The following DSG3 variants were observed in gnomAD, a reference collection of about 807,000 sequenced individuals.
DSG3 encodes desmoglein-3.
In DSG3, 63 loss-of-function variants were observed where a neutral mutation model predicts 85.9. The ratio of observed to expected loss-of-function variants is 0.73; its 90% CI spans 0.60 to 0.90. DSG3 has a LOEUF of 0.90. Among genes scored for constraint, DSG3 ranks in the 40% least tolerant of loss-of-function variants. The pLI, the probability that DSG3 is intolerant of heterozygous loss-of-function variation, is 0.00. For synonymous variants in DSG3, 447 were observed against 441.9 expected (o/e 1.01, Z -0.14); for missense variants, 1,220 against 1,219.9 (o/e 1.00, Z 0.00).
rs2144251683 is a variant in DSG3 at position 31,476,354 on chromosome 18, A to G, written c.*94A>G. On this transcript the variant is annotated 3_prime_UTR_variant, in exon 16 of 16. Transcript: ENST00000257189. ...GCAAAGCTCACTGTATTGGGCTAAT[A>G]ATTTGGCACTTATTAGCTTCTCTCA... is the stretch of plus-strand genomic sequence containing the variant. 1 of 1,447,926 alleles carries G rather than the reference A, an allele frequency of 6.9e-7. No individual in the cohort carries two copies. Among genetic ancestry groups the G allele is most frequent in the East Asian group, 2.3e-5 (1 of 43,606 alleles). The allele number at this position is 1,447,926 out of a possible 1,614,324, so 89.7% of individuals were successfully genotyped here.
chr18:31,463,768 G>A (rs2072800000), intron 8 of DSG3, among the ~76,000 whole-genome samples: 1 of 152,104 alleles, frequency 6.6e-6, no homozygotes. Context: ...AACAAACATT[G>A]TTCCCTGAGT....
chr18:31,474,451 G>A (rs1466781068), intron 15 of DSG3, 47 bp downstream of exon 15: 3 of 1,542,384 alleles, frequency 1.9e-6, no homozygotes, highest in Non-Finnish European at 2.6e-6. Context: ...ATTTACATTA[G>A]AGAACTTTTT....
In DSG3 at chr18:31,464,386, A is replaced by G. The variant is rs1446043380; in HGVS notation, c.1271+4A>G. ...ACAAAGCTGCCTCAAATGTCAAGTA[A>G]GACTATTTTTATTTATATCCTATTT... On this transcript the variant is annotated splice_donor_region_variant and intron_variant, in intron 9 of 15. Transcript: ENST00000257189. 6.2e-7 allele frequency: 1 copy of G among 1,601,916 alleles called. No individual in the cohort carries two copies. The highest frequency in any genetic ancestry group is 1.7e-5 in the Admixed American group (1 of 58,186).
intron 12 of DSG3, among the ~76,000 whole-genome samples, chr18:31,471,048 T>A (rs551604160): frequency 6.6e-6 from 1 of 152,280 alleles, no homozygotes; most frequent in East Asian, 1.9e-4. Context: ...GGCAACAGTG[T>A]GTACAGTATA....
intron 6 of DSG3, 133 bp downstream of exon 6, chr18:31,460,144 G>C (rs2072774966): frequency 1.0e-6 from 1 of 986,344 alleles, no homozygotes; most frequent in Non-Finnish European, 1.4e-6. Flanking sequence ...GCTAATCTAG[G>C]GAAATTGTTT....
intron 8 of DSG3, 54 bp from the exon 9 acceptor site, chr18:31,464,057 G>A (rs1598781575): frequency 1.3e-6 from 2 of 1,541,864 alleles, no homozygotes; most frequent in Non-Finnish European, 1.8e-6. Context: ...CATCTACTGG[G>A]TTTGCGGGAG....
chr18:31,459,655 A>T (rs891170470), intron 5 of DSG3, among the ~76,000 whole-genome samples, 190 bp from the exon 6 acceptor site: 3 of 152,242 alleles, frequency 2.0e-5, no homozygotes, highest in Non-Finnish European at 1.5e-5. Context: ...TTTGTATGGA[A>T]GGAAGCACAG....
intron 5 of DSG3, among the ~76,000 whole-genome samples, 195 bp from the exon 6 acceptor site, chr18:31,459,650 A>T (rs929965817): frequency 1.3e-5 from 2 of 152,218 alleles, no homozygotes; most frequent in African/African-American, 4.8e-5. Context: ...AAGAGTTTGT[A>T]TGGAAGGAAG....
chr18:31,474,129 A>T lies in DSG3; in HGVS notation c.2110A>T (p.Thr704Ser). The T allele has an allele frequency of 6.2e-7, 1 of 1,611,944 alleles. No individual in the cohort carries two copies. Among genetic ancestry groups the T allele is most frequent in the African/African-American group, 1.3e-5 (1 of 75,008 alleles). ...ADFMESSEVC[T>S]NTYARGTAVE... ...TTCTCCCTTGTTTTTAGAAGTTTGT[A>T]CAAATACGTATGCCAGAGGCACAGC... Residue 704 changes from threonine (T) to serine (S), a missense_variant, in exon 15 of 16, where the codon ACA becomes TCA. Physicochemically the swap from Thr to Ser is moderately conservative, Grantham distance 58. Transcript: ENST00000257189.
chr18:31,475,514 G>A (rs2072880722), intron 15 of DSG3, 132 bp from the exon 16 acceptor site: 2 of 1,096,020 alleles, frequency 1.8e-6, no homozygotes, highest in Admixed American at 2.6e-5. Context: ...ATTGTTAATA[G>A]ACAGTGTCCT....
In DSG3 at chr18:31,475,742, G is replaced by A. The variant is rs144985839; in HGVS notation, c.2482G>A (p.Val828Met). 1,014 of 1,614,192 alleles carry A rather than the reference G, an allele frequency of 6.3e-4. 2 individuals carry two copies. The highest frequency in any genetic ancestry group is 1.6e-3 in the Admixed American group (94 of 60,012). Residue 828 changes from valine (V) to methionine (M), a missense_variant, in exon 16 of 16, where the codon GTG (valine) becomes ATG (methionine). Val to Met is a conservative substitution (Grantham distance 21). Coordinates refer to ENST00000257189, the MANE Select transcript of DSG3 (RefSeq NM_001944.3). ...AGGCGCAGATGCCACTGGTTCTCCT[G>A]TGGGCTCCGTGGGTTGTTGCAGTTT... The part of the protein sequence containing the change: ...NEGADATGSP[V>M]GSVGCCSFIA...
intron 11 of DSG3, among the ~76,000 whole-genome samples, chr18:31,467,878 T>G (rs2072831670): frequency 6.6e-6 from 1 of 152,206 alleles, no homozygotes; most frequent in African/African-American, 2.4e-5. Context: ...CTCACACTTC[T>G]GACATAAAGA....
intron 11 of DSG3, among the ~76,000 whole-genome samples, chr18:31,468,576 G>A (rs12604311): frequency 6.6e-6 from 1 of 151,838 alleles, no homozygotes; most frequent in Non-Finnish European, 1.5e-5. Context: ...CCTCATCACT[G>A]CTCAAACATC....
chr18:31,475,762 C>T lies in DSG3; in HGVS notation c.2502C>T (p.Cys834=). The T allele has an allele frequency of 1.2e-6, 2 of 1,614,144 alleles. No homozygotes were observed. The highest frequency in any genetic ancestry group is 2.2e-5 in the South Asian group (2 of 91,080). The part of the protein sequence containing the change: ...TGSPVGSVGC[C]SFIADDLDDS... ...CTCCTGTGGGCTCCGTGGGTTGTTGCAGTTTTATTGCTGATGACCTGGATG... is the reference window on the plus strand; with the variant it reads ...CTCCTGTGGGCTCCGTGGGTTGTTGTAGTTTTATTGCTGATGACCTGGATG... The change falls in exon 16 of 16, where the codon TGC becomes TGT. Residue 834 remains cysteine (C), a synonymous_variant. Transcript: ENST00000257189.
chr18:31,462,043 TGTTGTG>T (rs796826699), intron 8 of DSG3, among the ~76,000 whole-genome samples: 1 of 151,914 alleles, frequency 6.6e-6, no homozygotes, highest in East Asian at 1.9e-4. Context: ...TGTTTTTTGT[TGTTGTG>T]GTTGTGGTTG....
Position 31,464,723 on chromosome 18 carries a change from A to C in DSG3, c.1271+341A>C, listed in dbSNP as rs552534121. On this transcript the variant is annotated intron_variant, in intron 9 of 15. Coordinates refer to ENST00000257189, the MANE Select transcript of DSG3 (RefSeq NM_001944.3). ...AGAACATGTTTTTATCATATAAAAC[A>C]GCACTTACAAAGACATATATGCCTA... 6.6e-5 allele frequency among the ~76,000 whole-genome samples: 10 copies of C among 152,302 alleles called. No homozygotes were observed. The South Asian group carries it at 1.4e-3, about 22-fold the overall frequency.
intron 5 of DSG3, 83 bp from the exon 6 acceptor site, chr18:31,459,762 A>T (rs893858779): frequency 7.5e-7 from 1 of 1,338,248 alleles, no homozygotes; most frequent in Middle Eastern, 2.0e-4. Flanking sequence ...ATTAGCATCA[A>T]TGTGAACTTG....
At chr18:31,450,147 TA>T (rs1398225057) in intron 1 of DSG3, among the ~76,000 whole-genome samples, 2 of 152,246 alleles carry the variant, frequency 1.3e-5, no homozygotes, top group Non-Finnish European at 2.9e-5. Flanking sequence ...GGTCTACTAT[TA>T]ATGCTATTGA....
intron 3 of DSG3, among the ~76,000 whole-genome samples, chr18:31,457,551 T>G (rs200409883): frequency 9.1e-6 from 1 of 110,238 alleles, no homozygotes; most frequent in Non-Finnish European, 1.8e-5. Context: ...TTCTTTCTCT[T>G]TCTTTCTTTC....
Sources: allele counts gnomAD v4.1 joint callset (sites outside exome capture counted in the v4.1 genomes callset), GRCh38; gene constraint gnomAD v4.1.1; transcripts MANE v1.5; gene names NCBI Gene and HGNC (gene_info 2026-07-23, HGNC 2026-07-21).